TBATA: variants seen among roughly 807,000 people sequenced by gnomAD.
TBATA encodes thymus, brain and testes associated, also known as protein TBATA.
In TBATA, 47 loss-of-function variants were observed where a neutral mutation model predicts 38.7. The observed-to-expected ratio is 1.21, with a 90% CI of 0.96 to 1.55. The LOEUF (loss-of-function observed/expected upper bound fraction) is 1.55, where lower values mean the gene tolerates loss of function less well. Among genes scored for constraint, TBATA ranks in the 40% most tolerant of loss-of-function variants. The probability of loss-of-function intolerance (pLI) is 0.00; values close to 1 mark genes in which losing one functional copy is unlikely to be tolerated. For synonymous variants in TBATA, 183 were observed against 170.5 expected, an observed-to-expected ratio of 1.07 and a Z score of -0.57; for missense variants, 436 against 435.6, an observed-to-expected ratio of 1.00 and a Z score of -0.01.
At chr10:70,774,472 CTGCCCTCAGG>C in intron 8 of TBATA, 115 bp from the exon 9 acceptor site, 2 of 1,039,180 alleles carry the variant, frequency 1.9e-6, no homozygotes, top group Non-Finnish European at 2.8e-6. Flanking sequence ...ATCCCACCTT[CTGCCCTCAGG>C]TCCCCTCGGG....
At chr10:70,777,743 C>A (rs1468808633) in intron 6 of TBATA, 3 of 420,160 alleles carry the variant, frequency 7.1e-6, no homozygotes, top group Non-Finnish European at 1.4e-5. Context: ...GCATCCTGCA[C>A]CAAGGGCCCA....
At chr10:70,784,867 T>A (rs767003450) in intron 1 of TBATA, 94 bp from the exon 2 acceptor site, 7 of 152,252 alleles carry the variant, frequency 4.6e-5, no homozygotes, top group Non-Finnish European at 8.8e-5. Flanking sequence ...CCAATTCACA[T>A]ATGGGTTTGT....
chr10:70,780,154 T>C (rs1159988074), intron 4 of TBATA, among the ~76,000 whole-genome samples: 1 of 152,164 alleles, frequency 6.6e-6, no homozygotes, highest in African/African-American at 2.4e-5. Context: ...GGGAGAGGCC[T>C]GGGCTCACAT....
chr10:70,774,243 G>T lies in TBATA; in HGVS notation c.890C>A (p.Pro297His), dbSNP rs767210101. 1 of 1,612,422 alleles carries T rather than the reference G, an allele frequency of 6.2e-7. No individual in the cohort carries two copies. The highest frequency in any genetic ancestry group is 8.5e-7 in the Non-Finnish European group (1 of 1,179,712). ...LLSQLPEVHE[P>H]PQEKQEPPCS... Reference sequence around the variant, plus strand: ...GGGTGGCTCTTGCTTCTCTTGAGGAGGTTCATGCACTTCTGGAAGCTGGCT... The same window carrying T: ...GGGTGGCTCTTGCTTCTCTTGAGGATGTTCATGCACTTCTGGAAGCTGGCT... The change falls in exon 9 of 11, where the codon CCT (proline) becomes CAT (histidine). Residue 297 changes from proline (P) to histidine (H), a missense_variant. Pro to His is a moderately conservative substitution (Grantham distance 77). Coordinates refer to ENST00000456372, the MANE Select transcript of TBATA (RefSeq NM_001318241.2).
chr10:70,780,620 C>T (rs758492905), intron 4 of TBATA, among the ~76,000 whole-genome samples: 30 of 152,082 alleles, frequency 2.0e-4, no homozygotes, highest in Non-Finnish European at 2.1e-4. Flanking sequence ...ACTCCAGATC[C>T]GACTGCACCC....
chr10:70,774,087 C>T (rs561527317), intron 9 of TBATA, 126 bp downstream of exon 9: 388 of 1,312,378 alleles, frequency 3.0e-4, no homozygotes, highest in Non-Finnish European at 3.9e-4. Context: ...GGCTGGGCCT[C>T]TGCCTCCAGG....
intron 7 of TBATA, among the ~76,000 whole-genome samples, chr10:70,776,835 C>T (rs1843463580): frequency 1.3e-5 from 2 of 152,178 alleles, no homozygotes; most frequent in Admixed American, 1.3e-4. Context: ...TGGGCAGGAC[C>T]TCCTTCTTCA....
Position 70,772,574 on chromosome 10 carries a change from CA to C in TBATA, c.921-9del. ...GTTTTCTTCGGGGATTGACTGTGAC[CA>C]AATACAAAGAAGGGGCTGGGAAGGT... On this transcript the variant is annotated splice_polypyrimidine_tract_variant and intron_variant, in intron 9 of 10. Coordinates refer to ENST00000456372, the MANE Select transcript of TBATA (RefSeq NM_001318241.2). The C allele has an allele frequency of 6.2e-7, 1 of 1,614,070 alleles. No individual in the cohort carries two copies. Among genetic ancestry groups the C allele is most frequent in the Non-Finnish European group, 8.5e-7 (1 of 1,179,978 alleles).
At chr10:70,776,147 G>A (rs1019448327) in intron 7 of TBATA, among the ~76,000 whole-genome samples, 7 of 152,178 alleles carry the variant, frequency 4.6e-5, no homozygotes, top group Admixed American at 2.6e-4. Flanking sequence ...AGGACCTGGA[G>A]GGGCCCGTCG....
intron 10 of TBATA, 182 bp downstream of exon 10, chr10:70,772,332 G>C (rs1044814464): frequency 1.4e-6 from 1 of 739,358 alleles, no homozygotes; most frequent in Non-Finnish European, 2.5e-6. Flanking sequence ...CCAGAGTTCA[G>C]CACATTGTGG....
chr10:70,783,097 G>A (rs1844460659), intron 3 of TBATA, among the ~76,000 whole-genome samples: 2 of 152,232 alleles, frequency 1.3e-5, no homozygotes, highest in African/African-American at 4.8e-5. Context: ...GAACTCCTTT[G>A]CTCAGTGCTT....
chr10:70,780,872 C>G (rs1844119431), intron 4 of TBATA, among the ~76,000 whole-genome samples: 1 of 152,200 alleles, frequency 6.6e-6, no homozygotes, highest in South Asian at 2.1e-4. Context: ...TTTCACATAT[C>G]TCCAGCATAG....
At chr10:70,776,561 C>T (rs1458410973) in intron 7 of TBATA, among the ~76,000 whole-genome samples, 1 of 152,200 alleles carries the variant, frequency 6.6e-6, no homozygotes, top group East Asian at 1.9e-4. Context: ...GAGTGTGTGC[C>T]TGACAGTGCT....
intron 7 of TBATA, 21 bp from the exon 8 acceptor site, chr10:70,775,291 C>T: frequency 6.2e-7 from 1 of 1,606,216 alleles, no homozygotes; most frequent in Non-Finnish European, 8.5e-7. Flanking sequence ...GAGGCCAGCA[C>T]ATTCCAGCCA....
At chr10:70,777,384 A>G (rs1309530569) in intron 6 of TBATA, 46 bp from the exon 7 acceptor site, 9 of 1,578,066 alleles carry the variant, frequency 5.7e-6, no homozygotes, top group Non-Finnish European at 6.0e-6. Flanking sequence ...GCAAGAGGGG[A>G]GGAAGAGGGC....
chr10:70,771,354 C>T lies in TBATA; in HGVS notation c.*22G>A. 6.2e-7 allele frequency: 1 copy of T among 1,614,184 alleles called. No homozygotes were observed. Among genetic ancestry groups the T allele is most frequent in the Non-Finnish European group, 8.5e-7 (1 of 1,180,016 alleles). The stretch of plus-strand genomic sequence containing the variant: ...CCCTTGGGGCTGCTCTTGAGCAAGG[C>T]AGGTGCAAGTGTTAGGGCCCCTCAG... On this transcript the variant is annotated 3_prime_UTR_variant, in exon 11 of 11. Transcript: ENST00000456372.
rs1439953376 is a variant in TBATA, at chr10:70,784,763, A to C, written c.-263T>G. On this transcript the variant is annotated 5_prime_UTR_variant, in exon 2 of 11. The change creates a new upstream start codon in the 5' untranslated region. Coordinates refer to ENST00000456372, the MANE Select transcript of TBATA (RefSeq NM_001318241.2). ...GAGAACAGGATATGTGGAAGCCCCAAATCCTCCTGCCTATGGGAAAAAGTA... is the reference window on the plus strand; with the variant it reads ...GAGAACAGGATATGTGGAAGCCCCACATCCTCCTGCCTATGGGAAAAAGTA... The C allele has an allele frequency of 1.3e-5, 2 of 152,202 alleles. No individual in the cohort carries two copies. Among genetic ancestry groups the C allele is most frequent in the African/African-American group, 4.8e-5 (2 of 41,446 alleles). 9.4% of individuals were successfully genotyped at this position (152,202 alleles called of 1,614,324 possible). A position where few individuals can be genotyped will look rare whatever the true frequency, so the allele number is the denominator to read the frequency against.
chr10:70,782,133 G>A, intron 3 of TBATA, 97 bp from the exon 4 acceptor site: 2 of 1,348,396 alleles, frequency 1.5e-6, no homozygotes, highest in Admixed American at 4.3e-5. Flanking sequence ...ACCCCTTCCT[G>A]AGGAGCTCTG....
intron 3 of TBATA, among the ~76,000 whole-genome samples, chr10:70,783,084 C>A (rs576553006): frequency 6.6e-6 from 1 of 152,364 alleles, no homozygotes; most frequent in East Asian, 1.9e-4. Flanking sequence ...CTGAGAACCC[C>A]TGGAACTCCT....
Sources: allele counts gnomAD v4.1 joint callset (sites outside exome capture counted in the v4.1 genomes callset), GRCh38; gene constraint gnomAD v4.1.1; transcripts MANE v1.5; gene names NCBI Gene and HGNC (gene_info 2026-07-23, HGNC 2026-07-21).